RALGAPA2: variants seen among roughly 807,000 people sequenced by gnomAD.
RALGAPA2 encodes the protein ral GTPase-activating protein subunit alpha-2.
Under a neutral mutation model 230.4 loss-of-function variants are expected in RALGAPA2, and 139 were observed. The observed-to-expected ratio is 0.60, with a 90% confidence interval of 0.53 to 0.69. The LOEUF (loss-of-function observed/expected upper bound fraction) is 0.69. Ranked by LOEUF, RALGAPA2 falls within the 30% of genes least tolerant of loss-of-function variation. RALGAPA2 has a pLI of 0.00. For missense variants in RALGAPA2, 2,163 were observed against 2,276.0 expected, an observed-to-expected ratio of 0.95 and a Z score of 1.01; for synonymous variants, 847 against 837.8, an observed-to-expected ratio of 1.01 and a Z score of -0.19.
chr20:20,635,473 A>G lies in RALGAPA2; in HGVS notation c.950T>C (p.Leu317Pro), dbSNP rs2066827461. 3 of 1,602,502 alleles carry G rather than the reference A, an allele frequency of 1.9e-6. No individual in the cohort carries two copies. The East Asian group carries it at 6.7e-5, about 36-fold the overall frequency. ...ATTTTTAGTGTTTTGTGTTGCAGTT[A>G]GATACTTTTTTTCCAAAAAGAAGGT... Reference protein sequence around the residue: ...IVTFFLEKKYLTATQNTKNGV... With the variant: ...IVTFFLEKKYPTATQNTKNGV... The change falls in exon 9 of 40, where the codon CTA (leucine) becomes CCA (proline). Residue 317 changes from leucine to proline, a missense_variant. Transcript: ENST00000202677.
chr20:20,520,843 T>C (rs2063015796), intron 31 of RALGAPA2, 74 bp downstream of exon 31: 3 of 1,246,148 alleles, frequency 2.4e-6, no homozygotes, highest in South Asian at 4.0e-5. Context: ...TAAAAAAAAA[T>C]AGAGCAAGCA....
chr20:20,434,074 C>A (rs990371158), intron 37 of RALGAPA2, among the ~76,000 whole-genome samples: 45 of 152,104 alleles, frequency 3.0e-4, no homozygotes, highest in Admixed American at 2.5e-3. Flanking sequence ...ACTTGTTCAT[C>A]TGGGGGCCTG....
intron 37 of RALGAPA2, among the ~76,000 whole-genome samples, chr20:20,465,720 T>A (rs1348323147): frequency 6.6e-6 from 1 of 152,112 alleles, no homozygotes; most frequent in Non-Finnish European, 1.5e-5. Context: ...CCTTCGCACT[T>A]CTCACGGGCC....
rs1410136153 is a variant in RALGAPA2 at position 20,437,149 on chromosome 20, C to T, written c.5496-25001G>A. Among the ~76,000 whole-genome samples, 1 of 152,050 alleles carries T rather than the reference C, an allele frequency of 6.6e-6. No individual in the cohort carries two copies. The highest frequency in any genetic ancestry group is 1.5e-5 in the Non-Finnish European group (1 of 68,006). ...TAAATGTTAGCTCAATAAATGTTGG[C>T]ATTATTAATTCAAACAGAAGTTCAC... On this transcript the variant is annotated intron_variant, in intron 37 of 39. Coordinates refer to ENST00000202677, the MANE Select transcript of RALGAPA2 (RefSeq NM_020343.4). This position sits in a 1 kb window ranked among gnomAD's most constrained non-coding sequence, Gnocchi z 4.1.
chr20:20,560,125 C>T (rs1396638817), intron 23 of RALGAPA2, among the ~76,000 whole-genome samples: 1 of 152,018 alleles, frequency 6.6e-6, no homozygotes, highest in Non-Finnish European at 1.5e-5. Context: ...GTGAGGCCAC[C>T]AAGAGCACAG....
At chr20:20,449,831 C>T (rs558646695) in intron 37 of RALGAPA2, among the ~76,000 whole-genome samples, 1 of 152,136 alleles carries the variant, frequency 6.6e-6, no homozygotes, top group Non-Finnish European at 1.5e-5. Context: ...CCAACTTATA[C>T]AAAATATAAT....
intron 9 of RALGAPA2, among the ~76,000 whole-genome samples, chr20:20,633,251 C>T (rs994644346): frequency 6.6e-6 from 1 of 152,122 alleles, no homozygotes; most frequent in African/African-American, 2.4e-5. Context: ...TCTCCTGCCT[C>T]AGCTTCCCGA....
At chr20:20,688,476 G>A (rs901074638) in intron 1 of RALGAPA2, among the ~76,000 whole-genome samples, 4 of 152,336 alleles carry the variant, frequency 2.6e-5, no homozygotes, top group African/African-American at 9.6e-5. Context: ...GATGCGGTGT[G>A]ACAAGCCCAG....
chr20:20,453,566 A>G (rs753481948), intron 37 of RALGAPA2, among the ~76,000 whole-genome samples: 3 of 152,176 alleles, frequency 2.0e-5, no homozygotes, highest in Non-Finnish European at 4.4e-5. Context: ...CTTTTTCTGA[A>G]TGCTCCTTTC....
chr20:20,429,404 C>A (rs1047701243), intron 37 of RALGAPA2, among the ~76,000 whole-genome samples: 2 of 152,128 alleles, frequency 1.3e-5, no homozygotes, highest in African/African-American at 4.8e-5. Flanking sequence ...CCCCCAGAAC[C>A]AAGAGTAGCA....
At chr20:20,565,261 C>A (rs2064378220) in intron 23 of RALGAPA2, among the ~76,000 whole-genome samples, 1 of 152,126 alleles carries the variant, frequency 6.6e-6, no homozygotes, top group Admixed American at 6.5e-5. Context: ...CTTAAATATA[C>A]TTTGAAATTT....
chr20:20,668,525 A>C (rs1215232608), intron 3 of RALGAPA2, among the ~76,000 whole-genome samples: 5 of 152,260 alleles, frequency 3.3e-5, no homozygotes, highest in Non-Finnish European at 7.3e-5. Flanking sequence ...CCACTCAAAA[A>C]TATGTACAAA....
chr20:20,613,558 G>A (rs2066039017), intron 13 of RALGAPA2, among the ~76,000 whole-genome samples: 1 of 152,178 alleles, frequency 6.6e-6, no homozygotes, highest in African/African-American at 2.4e-5. Flanking sequence ...GGTAGCTGGT[G>A]TCCTTCCTTT....
rs1284655067 is a variant in RALGAPA2, at chr20:20,629,572, C to T, written c.1024G>A (p.Val342Met). 2 of 1,613,344 alleles carry T rather than the reference C, an allele frequency of 1.2e-6. No individual in the cohort carries two copies. Among genetic ancestry groups the T allele is most frequent in the African/African-American group, 1.3e-5 (1 of 74,916 alleles). The change falls in exon 10 of 40, where the codon GTG (valine) becomes ATG (methionine). Residue 342 changes from valine (V) to methionine (M), a missense_variant. Val to Met is a conservative substitution (Grantham distance 21, BLOSUM62 1). Coordinates refer to ENST00000202677, the MANE Select transcript of RALGAPA2 (RefSeq NM_020343.4). Reference protein sequence around the residue: ...KIIQTVGGGAVQERAPELDGG... With the variant: ...KIIQTVGGGAMQERAPELDGG... ...TCCAGCTCAGGCGCTCTCTCCTGCA[C>T]AGCACCACCACCAACAGTCTGGAAG...
In RALGAPA2 at chr20:20,572,943, T is replaced by C. The variant is rs1309723708; in HGVS notation, c.2833A>G (p.Ile945Val). 1 of 1,583,116 alleles carries C rather than the reference T, an allele frequency of 6.3e-7. No individual in the cohort carries two copies. The highest frequency in any genetic ancestry group is 1.2e-5 in the South Asian group (1 of 86,612). Residue 945 changes from isoleucine to valine, a missense_variant, in exon 21 of 40, where the codon ATC becomes GTC. Coordinates refer to ENST00000202677, the MANE Select transcript of RALGAPA2 (RefSeq NM_020343.4). ...VLGILGDVNN[I>V]QSPKIHARVF... Reference sequence around the variant, plus strand: ...CTGGCATGGATCTTGGGTGACTGGATGTTATTCACATCTCCGAGGATCCCC... The same window carrying C: ...CTGGCATGGATCTTGGGTGACTGGACGTTATTCACATCTCCGAGGATCCCC...
chr20:20,531,522 G>T (rs1159336748), intron 27 of RALGAPA2, among the ~76,000 whole-genome samples, 165 bp downstream of exon 27: 1 of 152,194 alleles, frequency 6.6e-6, no homozygotes, highest in Non-Finnish European at 1.5e-5. Flanking sequence ...TGCCAGCAGG[G>T]GAGCATCCGT....
chr20:20,434,664 A>C (rs575265449), intron 37 of RALGAPA2, among the ~76,000 whole-genome samples: 10 of 152,276 alleles, frequency 6.6e-5, no homozygotes, highest in Non-Finnish European at 1.0e-4. Flanking sequence ...GGCTGGGAGC[A>C]GTGGCTCATG....
At chr20:20,627,915 T>C (rs921452283) in intron 10 of RALGAPA2, among the ~76,000 whole-genome samples, 1 of 152,116 alleles carries the variant, frequency 6.6e-6, no homozygotes, top group Non-Finnish European at 1.5e-5. Flanking sequence ...GAGGCAAGTG[T>C]AGAATTACAG....
chr20:20,395,038 A>G (rs2059682757), intron 39 of RALGAPA2, among the ~76,000 whole-genome samples: 1 of 152,224 alleles, frequency 6.6e-6, no homozygotes, highest in Non-Finnish European at 1.5e-5. Context: ...TAAAGAGGGA[A>G]AGAGGGGTGC....
Sources: gnomAD v4.1 joint callset for allele counts (sites outside exome capture counted in the v4.1 genomes callset) on GRCh38, gnomAD v4.1.1 for gene constraint, Gnocchi (gnomAD v3.1) non-coding constraint, MANE v1.5 for transcripts, NCBI Gene and HGNC (gene_info 2026-07-23, HGNC 2026-07-21) for gene names.